Variants in EML6 observed in about 807,000 individuals in gnomAD.
EML6 encodes the protein EMAP like 6.
A neutral mutation model predicts 240.1 loss-of-function variants in EML6; 154 were observed. The observed-to-expected ratio is 0.64, with a 90% CI of 0.56 to 0.73. The LOEUF (loss-of-function observed/expected upper bound fraction) is 0.73. Ranked by LOEUF, EML6 falls within the 30% of genes least tolerant of loss-of-function variation. EML6 has a pLI of 0.00. For missense variants in EML6, 2,964 were observed against 2,474.6 expected (o/e 1.20, Z -4.20); for synonymous variants, 1,148 against 899.0 (o/e 1.28, Z -4.95).
In EML6 at chr2:54,903,145, G is replaced by A. The variant is rs1458244440; in HGVS notation, c.3226G>A (p.Val1076Ile). Residue 1076 changes from valine to isoleucine, a missense_variant, in exon 23 of 42, where the codon GTC becomes ATC. Physicochemically the swap from Val to Ile is conservative, Grantham distance 29. Transcript: ENST00000356458. ...VVNADTVEDM[V>I]SFHHRKEMIS... ...AAATGCTGACACTGTTGAAGACATG[G>A]TCTCTTTCCATCACAGAAAAGAAAT... 6.4e-7 allele frequency: 1 copy of A among 1,551,912 alleles called. No homozygotes were observed. Among genetic ancestry groups the A allele is most frequent in the Non-Finnish European group, 8.7e-7 (1 of 1,146,952 alleles).
At chr2:54,738,900 C>T (rs914142331) in intron 2 of EML6, among the ~76,000 whole-genome samples, 1 of 152,088 alleles carries the variant, frequency 6.6e-6, no homozygotes. Context: ...TGTTAGGTCA[C>T]GGGGTGCACA....
chr2:54,825,014 CTTTGGAATGTT>C (rs1668519252), intron 5 of EML6, among the ~76,000 whole-genome samples: 3 of 152,164 alleles, frequency 2.0e-5, no homozygotes. Context: ...TCATTTGACT[CTTTGGAATGTT>C]TTCATGTGGG....
intron 2 of EML6, among the ~76,000 whole-genome samples, chr2:54,799,253 G>A (rs1031877581): frequency 6.6e-6 from 1 of 150,826 alleles, no homozygotes; most frequent in East Asian, 1.9e-4. Flanking sequence ...TAGAGAAGGA[G>A]TTTTACAATG....
intron 10 of EML6, among the ~76,000 whole-genome samples, chr2:54,851,070 C>G (rs939081820): frequency 1.3e-5 from 2 of 152,134 alleles, no homozygotes; most frequent in African/African-American, 4.8e-5. Flanking sequence ...ATACCTCATT[C>G]AGGATGTTGG....
chr2:54,771,718 A>G (rs1418054744), intron 2 of EML6, among the ~76,000 whole-genome samples: 1 of 152,248 alleles, frequency 6.6e-6, no homozygotes, highest in Non-Finnish European at 1.5e-5. Context: ...CAGTTGTCCG[A>G]TAATCTGTTA....
chr2:54,955,511 ATTGCTTCATTATATGT>A (rs905165478), intron 32 of EML6, among the ~76,000 whole-genome samples: 1 of 152,156 alleles, frequency 6.6e-6, no homozygotes, highest in African/African-American at 2.4e-5. Flanking sequence ...GGGGACAGAA[ATTGCTTCATTATATGT>A]TTCTTCTGTG....
intron 28 of EML6, among the ~76,000 whole-genome samples, chr2:54,929,060 G>A (rs1456803540): frequency 6.6e-6 from 1 of 152,202 alleles, no homozygotes; most frequent in South Asian, 2.1e-4. Flanking sequence ...AAGCAGTCCT[G>A]ACTGTGGCAG....
chr2:54,927,851 G>T (rs1283633087), intron 26 of EML6, among the ~76,000 whole-genome samples: 2 of 152,216 alleles, frequency 1.3e-5, no homozygotes. Flanking sequence ...CATCTTACTT[G>T]AGGTCCCAGG....
chr2:54,872,641 C>G (rs796481612), intron 16 of EML6, among the ~76,000 whole-genome samples: 3 of 152,222 alleles, frequency 2.0e-5, no homozygotes, highest in Non-Finnish European at 1.5e-5. Flanking sequence ...CTTCCATGAT[C>G]TGGCCTTAAC....
intron 2 of EML6, among the ~76,000 whole-genome samples, chr2:54,797,164 C>CAAAAAAAAAA (rs773498648): frequency 1.4e-4 from 6 of 43,816 alleles, no homozygotes; most frequent in Admixed American, 2.9e-4. Flanking sequence ...GACTCCATCT[C>CAAAAAAAAAA]AAAAAAAAAA....
In EML6 at chr2:54,911,778, C is replaced by G. The variant is rs372025727; in HGVS notation, c.3498+736C>G. ...AGACAAAAACAATCTGCAATCTGAC[C>G]ATTGTATTGTATCAAACTGTTTTCT... is the stretch of plus-strand genomic sequence containing the variant. On this transcript the variant is annotated intron_variant, in intron 25 of 41. Coordinates refer to ENST00000356458, the MANE Select transcript of EML6 (RefSeq NM_001039753.4). 3.9e-5 allele frequency among the ~76,000 whole-genome samples: 6 copies of G among 152,270 alleles called. No homozygotes were observed. The East Asian group carries it at 7.7e-4, about 20-fold the overall frequency.
chr2:54,732,976 G>A (rs1683237941), intron 2 of EML6, among the ~76,000 whole-genome samples: 1 of 152,202 alleles, frequency 6.6e-6, no homozygotes, highest in South Asian at 2.1e-4. Flanking sequence ...GAAAGCAGGG[G>A]GAGTTGTAAC....
At chr2:54,803,586 G>A (rs895706913) in intron 2 of EML6, among the ~76,000 whole-genome samples, 7 of 152,080 alleles carry the variant, frequency 4.6e-5, no homozygotes, top group African/African-American at 1.2e-4. Flanking sequence ...TTTGGAGAAC[G>A]CCTTGCATTT....
At chr2:54,959,548 G>C (rs1676398879) in intron 34 of EML6, among the ~76,000 whole-genome samples, 1 of 152,074 alleles carries the variant, frequency 6.6e-6, no homozygotes, top group Admixed American at 6.6e-5. Context: ...GATCACCTGA[G>C]GTCAGGAGTT....
At chr2:54,850,883 G>C (rs1401507057) in intron 10 of EML6, among the ~76,000 whole-genome samples, 1 of 152,172 alleles carries the variant, frequency 6.6e-6, no homozygotes, top group African/African-American at 2.4e-5. Flanking sequence ...AATTAAACTA[G>C]AGCTACTTGC....
rs552929989 is a variant in EML6 at position 54,803,449 on chromosome 2, C to T, written c.198-9783C>T. On this transcript the variant is annotated intron_variant, in intron 2 of 41. Coordinates refer to ENST00000356458, the MANE Select transcript of EML6 (RefSeq NM_001039753.4). ...CGGCTGTATCTTTGCCTCATACCTT[C>T]GTCAAGCCACCCTAGACCCTCCTCT... is the stretch of plus-strand genomic sequence containing the variant. Among the ~76,000 whole-genome samples the T allele has an allele frequency of 1.9e-4, 29 of 152,240 alleles. No homozygotes were observed. The South Asian group carries it at 4.2e-3, about 22-fold the overall frequency.
At chr2:54,770,897 C>T (rs1309974659) in intron 2 of EML6, among the ~76,000 whole-genome samples, 4 of 152,098 alleles carry the variant, frequency 2.6e-5, no homozygotes, top group African/African-American at 9.7e-5. Context: ...TTCCTACCCA[C>T]AGTCACACTT....
chr2:54,862,060 G>A (rs938340856), intron 12 of EML6, among the ~76,000 whole-genome samples: 2 of 152,062 alleles, frequency 1.3e-5, no homozygotes, highest in African/African-American at 4.8e-5. Context: ...GATTGGCTGA[G>A]CACGTTGACT....
intron 28 of EML6, among the ~76,000 whole-genome samples, chr2:54,945,945 G>C: frequency 6.6e-6 from 1 of 152,178 alleles, no homozygotes; most frequent in African/African-American, 2.4e-5. Context: ...GGGGGTACAG[G>C]GTTGTGACTC....
Sources: allele counts gnomAD v4.1 joint callset (sites outside exome capture counted in the v4.1 genomes callset), GRCh38; gene constraint gnomAD v4.1.1; transcripts MANE v1.5; gene names NCBI Gene and HGNC (gene_info 2026-07-23, HGNC 2026-07-21).